KCNB2: variants seen among roughly 807,000 people sequenced by gnomAD.
The protein encoded by KCNB2 is potassium voltage-gated channel subfamily B member 2.
In KCNB2, 15 loss-of-function variants were observed where a neutral mutation model predicts 61.5. The observed-to-expected ratio is 0.24, with a 90% confidence interval of 0.16 to 0.38. The LOEUF is 0.38. Among genes scored for constraint, KCNB2 ranks in the 10% least tolerant of loss-of-function variants. The pLI is 1.00. For synonymous variants in KCNB2, 457 were observed against 446.0 expected (o/e 1.02, Z -0.31); for missense variants, 828 against 1,125.2 (o/e 0.74, Z 3.78).
chr8:72,798,427 C>T (rs1453887395), intron 2 of KCNB2, among the ~76,000 whole-genome samples: 2 of 152,178 alleles, frequency 1.3e-5, no homozygotes, highest in Non-Finnish European at 2.9e-5. Flanking sequence ...TACCATAGCA[C>T]TCAGCATAAT....
chr8:72,785,982 G>A (rs1217796597), intron 2 of KCNB2, among the ~76,000 whole-genome samples: 1 of 149,026 alleles, frequency 6.7e-6, no homozygotes, highest in African/African-American at 2.5e-5. Context: ...TGAAGACACA[G>A]AAAGGTCAAT....
chr8:72,617,939 A>G lies in KCNB2; in HGVS notation c.579+49626A>G, dbSNP rs142238454. On this transcript the variant is annotated intron_variant, in intron 2 of 2. Transcript: ENST00000523207. ...CTGAAGCTCTTTAGTGAGGGTTATAACTATGTGGTGGAACGACTTCAGGGC... is the reference window on the plus strand; with the variant it reads ...CTGAAGCTCTTTAGTGAGGGTTATAGCTATGTGGTGGAACGACTTCAGGGC... Among the ~76,000 whole-genome samples the G allele has an allele frequency of 5.5e-4, 84 of 152,342 alleles. 1 individual carries two copies. Among genetic ancestry groups the G allele is most frequent in the African/African-American group, 1.9e-3 (80 of 41,574 alleles).
intron 2 of KCNB2, among the ~76,000 whole-genome samples, chr8:72,888,460 A>G (rs1805841825): frequency 1.3e-5 from 2 of 152,144 alleles, no homozygotes; most frequent in Admixed American, 1.3e-4. Flanking sequence ...ATAATTATAA[A>G]AGATACTTTT....
intron 2 of KCNB2, among the ~76,000 whole-genome samples, chr8:72,842,295 T>A (rs4272428): frequency 0.85 from 129,789 of 152,168 alleles, 56,319 homozygotes; most frequent in Middle Eastern, 0.97. Context: ...ATCTTGAACA[T>A]GGTGGATAAG....
intron 2 of KCNB2, among the ~76,000 whole-genome samples, chr8:72,744,844 TA>T (rs1369522861): frequency 6.6e-6 from 1 of 152,162 alleles, no homozygotes; most frequent in Non-Finnish European, 1.5e-5. Context: ...GAAAAAGCCA[TA>T]GGGGTAAGCC....
intron 2 of KCNB2, among the ~76,000 whole-genome samples, chr8:72,682,631 T>C (rs1806779858): frequency 6.6e-6 from 1 of 151,700 alleles, no homozygotes; most frequent in African/African-American, 2.4e-5. Context: ...TTTCACTCTG[T>C]TTCCCAGGAT....
chr8:72,624,138 T>C (rs1805753397), intron 2 of KCNB2, among the ~76,000 whole-genome samples: 1 of 152,256 alleles, frequency 6.6e-6, no homozygotes, highest in African/African-American at 2.4e-5. Flanking sequence ...ATAATGTTCA[T>C]ATTAGTAAAT....
intron 2 of KCNB2, among the ~76,000 whole-genome samples, chr8:72,865,121 T>A (rs1334912468): frequency 6.6e-6 from 1 of 152,190 alleles, no homozygotes; most frequent in Non-Finnish European, 1.5e-5. Flanking sequence ...AGGATTATTC[T>A]GGGCCTTTCC....
At chr8:72,779,398 T>C (rs1336942766) in intron 2 of KCNB2, among the ~76,000 whole-genome samples, 1 of 152,206 alleles carries the variant, frequency 6.6e-6, no homozygotes, top group Non-Finnish European at 1.5e-5. Context: ...AATATTCCTA[T>C]TTCTTGGGCA....
chr8:72,715,459 G>A (rs1235564547), intron 2 of KCNB2, among the ~76,000 whole-genome samples: 6 of 152,106 alleles, frequency 3.9e-5, no homozygotes, highest in Non-Finnish European at 8.8e-5. Context: ...ATAACAAACT[G>A]TCTCTCAGAC....
At chr8:72,904,452 A>G (rs929928110) in intron 2 of KCNB2, among the ~76,000 whole-genome samples, 2 of 152,056 alleles carry the variant, frequency 1.3e-5, no homozygotes, top group Admixed American at 1.3e-4. Flanking sequence ...TGTGCAGCAA[A>G]CTACCATGGC....
At chr8:72,559,114 C>A (rs1806471648) in intron 1 of KCNB2, among the ~76,000 whole-genome samples, 2 of 151,464 alleles carry the variant, frequency 1.3e-5, no homozygotes, top group South Asian at 2.1e-4. Flanking sequence ...CTTTTTCTTT[C>A]TTTATTTTAT....
intron 2 of KCNB2, among the ~76,000 whole-genome samples, chr8:72,604,001 C>A (rs1046435796): frequency 6.6e-6 from 1 of 152,124 alleles, no homozygotes; most frequent in East Asian, 1.9e-4. Context: ...CCTGCTGACA[C>A]CCTGGTTTTG....
chr8:72,859,153 C>G (rs894262947), intron 2 of KCNB2, among the ~76,000 whole-genome samples: 1 of 152,132 alleles, frequency 6.6e-6, no homozygotes, highest in Non-Finnish European at 1.5e-5. Context: ...TGTTTGGTCT[C>G]TCTGGGCCCC....
At chr8:72,695,633 T>G (rs1807006381) in intron 2 of KCNB2, among the ~76,000 whole-genome samples, 1 of 152,216 alleles carries the variant, frequency 6.6e-6, no homozygotes. Context: ...AGAGGTTTCT[T>G]TAAACGATAA....
At chr8:72,605,202 A>G (rs1234661549) in intron 2 of KCNB2, among the ~76,000 whole-genome samples, 7 of 152,202 alleles carry the variant, frequency 4.6e-5, no homozygotes, top group African/African-American at 1.4e-4. Context: ...GCAACGCCCC[A>G]TTGCACTACA....
At position 72,821,644 on chromosome 8, in the gene KCNB2, A is replaced by AC. The variant is rs1394732772; in HGVS notation, c.580-114291_580-114290insC. Among the ~76,000 whole-genome samples, 427 of 90,022 alleles carry AC rather than the reference A, an allele frequency of 4.7e-3. 2 individuals carry two copies. Among genetic ancestry groups the AC allele is most frequent in the African/African-American group, 0.011 (358 of 32,354 alleles). 59.1% of individuals were successfully genotyped at this position (90,022 alleles called of 152,430 possible). A position where few individuals can be genotyped will look rare whatever the true frequency, so the allele number is the denominator to read the frequency against. ...TACACACACACACAAAAAAAAACAA[A>AC]AAAAAAAAAAAAAAAACACACACAC... On this transcript the variant is annotated intron_variant, in intron 2 of 2. Coordinates refer to ENST00000523207, the MANE Select transcript of KCNB2 (RefSeq NM_004770.3).
intron 1 of KCNB2, among the ~76,000 whole-genome samples, chr8:72,549,470 T>A (rs985953824): frequency 6.6e-6 from 1 of 152,146 alleles, no homozygotes; most frequent in Non-Finnish European, 1.5e-5. Flanking sequence ...ACACTTCTGC[T>A]TATATTCCAC....
rs752138585 is a variant in KCNB2 at position 72,568,330 on chromosome 8, A to G, written c.579+17A>G. On this transcript the variant is annotated intron_variant, in intron 2 of 2. Transcript: ENST00000523207. ...GCTGCAAAGGTATGAAACCCATAGT[A>G]TTGCTTGCCTGTGTGTGGTCAGAAA... 4.4e-6 allele frequency: 7 copies of G among 1,581,880 alleles called. 1 individual carries two copies. The South Asian group carries it at 8.1e-5, about 18-fold the overall frequency.
Sources: gnomAD v4.1 joint callset for allele counts (sites outside exome capture counted in the v4.1 genomes callset) on GRCh38, gnomAD v4.1.1 for gene constraint, MANE v1.5 for transcripts, NCBI Gene and HGNC (gene_info 2026-07-23, HGNC 2026-07-21) for gene names.